Variants in TESC observed in about 807,000 individuals in gnomAD.
TESC encodes the protein tescalcin.
Under a neutral mutation model 31.0 loss-of-function variants are expected in TESC, and 19 were observed. That is an observed-to-expected ratio of 0.61 (90% CI 0.43 to 0.90). The LOEUF (loss-of-function observed/expected upper bound fraction) is 0.90, where lower values mean the gene tolerates loss of function less well. TESC is among the 40% of genes least tolerant of loss of function. The pLI is 0.00. For synonymous variants in TESC, 109 were observed against 114.8 expected (o/e 0.95, Z 0.32); for missense variants, 248 against 303.8 (o/e 0.82, Z 1.36).
chr12:117,080,155 T>C (rs892050198), intron 1 of TESC, among the ~76,000 whole-genome samples: 1 of 150,024 alleles, frequency 6.7e-6, no homozygotes, highest in African/African-American at 2.5e-5. Flanking sequence ...TAATGAAGAG[T>C]TTCCAGTTAA....
intron 1 of TESC, among the ~76,000 whole-genome samples, chr12:117,097,927 T>C (rs1040638157): frequency 5.9e-5 from 9 of 152,206 alleles, no homozygotes; most frequent in Non-Finnish European, 1.3e-4. Context: ...TACCATATTA[T>C]ATATGCTGAG....
chr12:117,065,242 G>A (rs1954859524), intron 2 of TESC, among the ~76,000 whole-genome samples: 2 of 152,342 alleles, frequency 1.3e-5, no homozygotes, highest in South Asian at 4.1e-4. Context: ...GGAGGAGGCT[G>A]TTGGGGTAGC....
At chr12:117,078,276 G>A (rs1335104065) in intron 1 of TESC, among the ~76,000 whole-genome samples, 1 of 152,102 alleles carries the variant, frequency 6.6e-6, no homozygotes, top group Non-Finnish European at 1.5e-5. Context: ...CTGAGACCTG[G>A]CCAACATGAC....
Position 117,058,565 on chromosome 12 carries a change from T to TAAAA in TESC, c.129-1683_129-1680dup, listed in dbSNP as rs10637829. Among the ~76,000 whole-genome samples, 196 of 113,320 alleles carry TAAAA rather than the reference T, an allele frequency of 1.7e-3. 4 individuals carry two copies. The highest frequency in any genetic ancestry group is 9.4e-3 in the Middle Eastern group (2 of 212). The allele number at this position is 113,320 out of a possible 152,430, so 74.3% of individuals were successfully genotyped here. ...GTAAATTACATTTCAGTAAAGCTGT[T>TAAAA]AAAAAAAAAAAAAAAAAAAGCCAGC... On this transcript the variant is annotated intron_variant, in intron 2 of 7. Transcript: ENST00000335209.
intron 1 of TESC, among the ~76,000 whole-genome samples, chr12:117,077,784 T>TTTG (rs1955093243): frequency 6.6e-6 from 1 of 152,152 alleles, no homozygotes; most frequent in African/African-American, 2.4e-5. Flanking sequence ...GAGGATGAGA[T>TTTG]GAGGAGGAGT....
chr12:117,091,246 T>C (rs1955302253), intron 1 of TESC, among the ~76,000 whole-genome samples: 2 of 152,210 alleles, frequency 1.3e-5, no homozygotes, highest in Non-Finnish European at 1.5e-5. Flanking sequence ...CACACCAGCA[T>C]GGACAAAAGA....
intron 1 of TESC, among the ~76,000 whole-genome samples, chr12:117,097,898 T>A (rs916543299): frequency 3.3e-5 from 5 of 152,092 alleles, no homozygotes; most frequent in Non-Finnish European, 7.4e-5. Context: ...GATCCTTTTT[T>A]AAAAAACAGA....
intron 2 of TESC, among the ~76,000 whole-genome samples, chr12:117,067,350 AGCC>A (rs1954901728): frequency 6.6e-6 from 1 of 152,144 alleles, no homozygotes. Flanking sequence ...GTATTGCTTG[AGCC>A]AGGAGTCCGA....
At chr12:117,096,198 C>A (rs1457746321) in intron 1 of TESC, among the ~76,000 whole-genome samples, 1 of 152,194 alleles carries the variant, frequency 6.6e-6, no homozygotes, top group African/African-American at 2.4e-5. Context: ...AAGCTGATTC[C>A]TCCCCAGAAA....
At chr12:117,042,536 G>A (rs1426823162) in intron 6 of TESC, among the ~76,000 whole-genome samples, 1 of 152,068 alleles carries the variant, frequency 6.6e-6, no homozygotes, top group Non-Finnish European at 1.5e-5. Context: ...CACGCCTCAT[G>A]CCTCGTGAGT....
rs1954444546 is a variant in TESC at position 117,039,145 on chromosome 12, G to A, written c.633C>T (p.Ala211=). 3.1e-6 allele frequency: 5 copies of A among 1,613,938 alleles called. No individual in the cohort carries two copies. The highest frequency in any genetic ancestry group is 2.7e-5 in the African/African-American group (2 of 74,920). ...HVRFLNMETM[A]LCH Reference sequence around the variant, plus strand: ...AGGTGGCGGTGGGTCAGTGGCAGAGGGCCATGGTTTCCATGTTAAGGAAGC... The same window carrying A: ...AGGTGGCGGTGGGTCAGTGGCAGAGAGCCATGGTTTCCATGTTAAGGAAGC... The change falls in exon 8 of 8, where the codon GCC becomes GCT. Residue 211 remains alanine (A), a synonymous_variant. Coordinates refer to ENST00000335209, the MANE Select transcript of TESC (RefSeq NM_017899.4).
chr12:117,060,081 A>T (rs1168968160), intron 2 of TESC, among the ~76,000 whole-genome samples: 1 of 152,218 alleles, frequency 6.6e-6, no homozygotes, highest in Non-Finnish European at 1.5e-5. Context: ...TAACGGGTGC[A>T]GAGCTTCTTT....
At chr12:117,075,978 T>TAC (rs1955069513) in intron 1 of TESC, among the ~76,000 whole-genome samples, 2 of 122,930 alleles carry the variant, frequency 1.6e-5, no homozygotes, top group Non-Finnish European at 3.3e-5. Context: ...TATGTATATA[T>TAC]ATATATATTT....
At chr12:117,075,014 A>G (rs996158671) in intron 2 of TESC, among the ~76,000 whole-genome samples, 1 of 152,124 alleles carries the variant, frequency 6.6e-6, no homozygotes, top group Non-Finnish European at 1.5e-5. Context: ...AGCATGGTGG[A>G]GGGCACCAGT....
At chr12:117,057,813 T>G (rs1021407919) in intron 2 of TESC, among the ~76,000 whole-genome samples, 5 of 152,338 alleles carry the variant, frequency 3.3e-5, no homozygotes, top group African/African-American at 1.2e-4. Context: ...CCGCCCAGGC[T>G]GGAGTGCAGT....
chr12:117,042,700 C>T (rs151240173), intron 6 of TESC, among the ~76,000 whole-genome samples: 2 of 152,304 alleles, frequency 1.3e-5, no homozygotes, highest in African/African-American at 2.4e-5. Context: ...CCCCTTTCAC[C>T]GATACTCCAG....
chr12:117,087,154 A>G (rs536729757), intron 1 of TESC, among the ~76,000 whole-genome samples: 28 of 152,126 alleles, frequency 1.8e-4, no homozygotes, highest in Non-Finnish European at 3.7e-4. Flanking sequence ...ACTCGTATAC[A>G]CCATAGATCA....
At chr12:117,064,545 G>A (rs1255474541) in intron 2 of TESC, among the ~76,000 whole-genome samples, 1 of 152,208 alleles carries the variant, frequency 6.6e-6, no homozygotes, top group African/African-American at 2.4e-5. Context: ...GCCCCTTCAA[G>A]GAGCCAGGCA....
At chr12:117,075,885 A>ATGTG (rs1955054205) in intron 1 of TESC, among the ~76,000 whole-genome samples, 2 of 46,224 alleles carry the variant, frequency 4.3e-5, no homozygotes, top group South Asian at 6.7e-4. Context: ...GTATATATAT[A>ATGTG]TATATATATA....
Sources: gnomAD v4.1 joint callset for allele counts (sites outside exome capture counted in the v4.1 genomes callset) on GRCh38, gnomAD v4.1.1 for gene constraint, MANE v1.5 for transcripts, NCBI Gene and HGNC (gene_info 2026-07-23, HGNC 2026-07-21) for gene names.